The following PSME4 variants were observed in gnomAD, a reference collection of about 807,000 sequenced individuals.
PSME4 encodes the protein proteasome activator subunit 4.
A neutral mutation model predicts 253.9 loss-of-function variants in PSME4; 89 were observed. That is an observed-to-expected ratio of 0.35 (90% CI 0.30 to 0.42). The LOEUF is 0.42. PSME4 is among the 10% of genes least tolerant of loss of function. The probability of loss-of-function intolerance (pLI) is 1.00; values close to 1 mark genes in which losing one functional copy is unlikely to be tolerated. For synonymous variants in PSME4, 851 were observed against 759.2 expected, an observed-to-expected ratio of 1.12 and a Z score of -1.99; for missense variants, 2,014 against 2,195.2, an observed-to-expected ratio of 0.92 and a Z score of 1.65.
At position 53,932,200 on chromosome 2, in the gene PSME4, C is replaced by A; in HGVS notation, c.1051-100G>T. 3.6e-6 allele frequency: 4 copies of A among 1,116,636 alleles called. No individual in the cohort carries two copies. The South Asian group carries it at 6.2e-5, about 17-fold the overall frequency. 69.2% of individuals were successfully genotyped at this position (1,116,636 alleles called of 1,614,324 possible). On this transcript the variant is annotated intron_variant, in intron 9 of 46. Coordinates refer to ENST00000404125, the MANE Select transcript of PSME4 (RefSeq NM_014614.3). ...TCTTGAGAAAAGATTTTAAAAATAACAGTTCTTATTATCTTATTACAAAGA... is the reference window on the plus strand; with the variant it reads ...TCTTGAGAAAAGATTTTAAAAATAAAAGTTCTTATTATCTTATTACAAAGA...
At chr2:53,873,171 G>A (rs1242806463) in intron 43 of PSME4, among the ~76,000 whole-genome samples, 1 of 150,614 alleles carries the variant, frequency 6.6e-6, no homozygotes, top group Admixed American at 6.6e-5. Flanking sequence ...AACCCAGGAG[G>A]CGGAGCTTGC....
rs746612495 is a variant in PSME4 at position 53,922,543 on chromosome 2, G to A, written c.2020C>T (p.Leu674=). The A allele has an allele frequency of 2.5e-6, 4 of 1,612,610 alleles. No homozygotes were observed. Among genetic ancestry groups the A allele is most frequent in the Non-Finnish European group, 3.4e-6 (4 of 1,179,452 alleles). ...LNDEELDKEL[L]WNLQLLSEIT... ...TCAGACAAAAGTTGAAGATTCCATA[G>A]TAATTCCTTGTCTAGCTCTTCATCA... The change falls in exon 17 of 47, where the codon CTA becomes TTA. Residue 674 remains leucine (L), a synonymous_variant. Coordinates refer to ENST00000404125, the MANE Select transcript of PSME4 (RefSeq NM_014614.3).
intron 36 of PSME4, 69 bp downstream of exon 36, chr2:53,892,739 G>A (rs1679967893): frequency 2.1e-6 from 3 of 1,438,052 alleles, no homozygotes; most frequent in Admixed American, 4.1e-5. Context: ...CTAATGTGTT[G>A]GGAATTGCCA....
intron 31 of PSME4, 86 bp from the exon 32 acceptor site, chr2:53,896,971 T>TG: frequency 9.9e-7 from 1 of 1,010,714 alleles, no homozygotes; most frequent in Admixed American, 1.9e-5. Context: ...AGAAATAGGA[T>TG]TCTGTTTCTT....
At chr2:53,867,876 T>G (rs1277671416) in intron 44 of PSME4, among the ~76,000 whole-genome samples, 1 of 152,158 alleles carries the variant, frequency 6.6e-6, no homozygotes, top group Non-Finnish European at 1.5e-5. Context: ...AATGTCTATT[T>G]CTTAAAACAG....
intron 20 of PSME4, among the ~76,000 whole-genome samples, chr2:53,913,907 T>A (rs958901567): frequency 6.6e-6 from 1 of 152,132 alleles, no homozygotes; most frequent in Non-Finnish European, 1.5e-5. Context: ...TGTGTGCAGC[T>A]CCCCCAGCAG....
chr2:53,889,958 A>C (rs1425198580), intron 37 of PSME4, 146 bp downstream of exon 37: 1 of 647,442 alleles, frequency 1.5e-6, no homozygotes, highest in East Asian at 2.8e-5. Context: ...ATAGTCTCTA[A>C]TCCCATGGAA....
intron 43 of PSME4, among the ~76,000 whole-genome samples, chr2:53,872,433 T>C (rs1465686020): frequency 6.6e-6 from 1 of 152,168 alleles, no homozygotes; most frequent in Non-Finnish European, 1.5e-5. Flanking sequence ...GTTTTAATGA[T>C]CATGGTTATG....
At chr2:53,872,838 A>C (rs1445626211) in intron 43 of PSME4, among the ~76,000 whole-genome samples, 1 of 151,270 alleles carries the variant, frequency 6.6e-6, no homozygotes, top group Non-Finnish European at 1.5e-5. Context: ...GTTAGGAAAC[A>C]ATGACAAGGT....
intron 41 of PSME4, among the ~76,000 whole-genome samples, chr2:53,879,342 T>C (rs1188072837): frequency 3.9e-5 from 6 of 152,222 alleles, no homozygotes; most frequent in Non-Finnish European, 8.8e-5. Context: ...AGATATCCTA[T>C]CGTATGAATC....
chr2:53,878,862 T>C (rs1679252933), intron 41 of PSME4, among the ~76,000 whole-genome samples: 1 of 152,224 alleles, frequency 6.6e-6, no homozygotes, highest in Non-Finnish European at 1.5e-5. Flanking sequence ...TTCTGTGATC[T>C]CGCCCTGCCT....
At chr2:53,937,969 G>A (rs1669201267) in intron 4 of PSME4, among the ~76,000 whole-genome samples, 1 of 151,464 alleles carries the variant, frequency 6.6e-6, no homozygotes, top group Non-Finnish European at 1.5e-5. Context: ...CTCCAGCCTG[G>A]GCAACAGAGT....
chr2:53,898,065 G>A (rs1483323080), intron 30 of PSME4, 66 bp from the exon 31 acceptor site: 2 of 1,505,272 alleles, frequency 1.3e-6, no homozygotes, highest in Admixed American at 2.1e-5. Context: ...AAAACTGTAT[G>A]TGAAACACCT....
intron 16 of PSME4, 114 bp downstream of exon 16, chr2:53,922,935 G>T: frequency 1.1e-6 from 1 of 901,740 alleles, no homozygotes; most frequent in Non-Finnish European, 1.6e-6. Flanking sequence ...TCCCCAAATT[G>T]CCAATCAAAA....
At chr2:53,893,019 T>G in intron 35 of PSME4, 59 bp from the exon 36 acceptor site, 1 of 1,475,136 alleles carries the variant, frequency 6.8e-7, no homozygotes, top group Non-Finnish European at 9.3e-7. Context: ...ATTATAATTA[T>G]GCTTGTAATT....
At chr2:53,875,395 A>G (rs375792046) in intron 42 of PSME4, among the ~76,000 whole-genome samples, 1 of 152,242 alleles carries the variant, frequency 6.6e-6, no homozygotes, top group African/African-American at 2.4e-5. Flanking sequence ...ATAATGAATT[A>G]GCTATCTGCA....
chr2:53,917,725 C>G (rs1427933144), intron 20 of PSME4, among the ~76,000 whole-genome samples: 1 of 152,110 alleles, frequency 6.6e-6, no homozygotes, highest in African/African-American at 2.4e-5. Flanking sequence ...TAGCTTTTTG[C>G]CTGCCATAAA....
chr2:53,883,632 G>C (rs761232400), intron 41 of PSME4, among the ~76,000 whole-genome samples: 6 of 152,144 alleles, frequency 3.9e-5, no homozygotes, highest in Non-Finnish European at 7.4e-5. Flanking sequence ...CCTCTTAAAT[G>C]GTTCTAATTT....
At chr2:53,964,853 A>G (rs1206973613) in intron 1 of PSME4, among the ~76,000 whole-genome samples, 1 of 152,248 alleles carries the variant, frequency 6.6e-6, no homozygotes, top group Non-Finnish European at 1.5e-5. Flanking sequence ...TGTGGTTTCA[A>G]CTGGGATAAT....
Sources: gnomAD v4.1 joint callset for allele counts (sites outside exome capture counted in the v4.1 genomes callset) on GRCh38, gnomAD v4.1.1 for gene constraint, MANE v1.5 for transcripts, NCBI Gene and HGNC (gene_info 2026-07-23, HGNC 2026-07-21) for gene names.